ARHGAP24: variants seen among roughly 807,000 people sequenced by gnomAD.
The protein encoded by ARHGAP24 is rho GTPase-activating protein 24.
ARHGAP24 carries 50 observed loss-of-function variants against 76.4 expected under a neutral mutation model. The observed-to-expected ratio is 0.65, with a 90% CI of 0.52 to 0.83. ARHGAP24 has a LOEUF of 0.83. Among genes scored for constraint, ARHGAP24 ranks in the 40% least tolerant of loss-of-function variants. The pLI is 0.00. For synonymous variants in ARHGAP24, 345 were observed against 323.3 expected (o/e 1.07, Z -0.72); for missense variants, 930 against 914.2 (o/e 1.02, Z -0.22).
intron 1 of ARHGAP24, among the ~76,000 whole-genome samples, chr4:85,477,146 A>G (rs1722631790): frequency 6.6e-6 from 1 of 152,198 alleles, no homozygotes; most frequent in Middle Eastern, 3.2e-3. Context: ...TCTGGAATTT[A>G]GTTTGAGGTA....
intron 3 of ARHGAP24, among the ~76,000 whole-genome samples, chr4:85,808,509 C>T (rs1421695658): frequency 2.6e-5 from 4 of 152,206 alleles, no homozygotes; most frequent in Non-Finnish European, 4.4e-5. Context: ...TATCAGTTGC[C>T]GGTGTTCCTT....
intron 3 of ARHGAP24, among the ~76,000 whole-genome samples, chr4:85,915,134 T>G (rs1735307238): frequency 6.6e-6 from 1 of 152,206 alleles, no homozygotes; most frequent in Non-Finnish European, 1.5e-5. Context: ...AGTCAGAATA[T>G]ACTGTTGGAC....
intron 1 of ARHGAP24, among the ~76,000 whole-genome samples, chr4:85,487,690 A>AAATATATATTTATATTATATATTATAT (rs1723152036): frequency 9.4e-6 from 1 of 106,590 alleles, no homozygotes; most frequent in Non-Finnish European, 1.7e-5. Context: ...TATATTATAT[A>AAATATATATTTATATTATATATTATAT]AATATATATT....
At chr4:85,669,480 G>C (rs2110000347) in intron 2 of ARHGAP24, among the ~76,000 whole-genome samples, 1 of 151,722 alleles carries the variant, frequency 6.6e-6, no homozygotes, top group African/African-American at 2.4e-5. Flanking sequence ...TGTTTGATGG[G>C]AGGAAGCGCT....
At chr4:85,975,039 TA>T in intron 7 of ARHGAP24, 78 bp downstream of exon 7, 1 of 1,305,364 alleles carries the variant, frequency 7.7e-7, no homozygotes, top group Non-Finnish European at 1.1e-6. Context: ...TGACAACGAA[TA>T]AAATCACTCA....
intron 2 of ARHGAP24, among the ~76,000 whole-genome samples, chr4:85,625,426 T>G (rs570250600): frequency 6.6e-5 from 10 of 152,250 alleles, no homozygotes; most frequent in Admixed American, 1.3e-4. Flanking sequence ...ATTGCACTGT[T>G]GTCTGAGAGA....
At chr4:85,751,661 A>AAAC (rs1726270224) in intron 3 of ARHGAP24, among the ~76,000 whole-genome samples, 1 of 152,212 alleles carries the variant, frequency 6.6e-6, no homozygotes, top group Non-Finnish European at 1.5e-5. Context: ...TGTGGATTGT[A>AAAC]AACACTACAA....
intron 4 of ARHGAP24, among the ~76,000 whole-genome samples, chr4:85,937,411 T>C (rs1429347364): frequency 6.6e-6 from 1 of 152,212 alleles, no homozygotes; most frequent in Non-Finnish European, 1.5e-5. Context: ...GAGCTATCCA[T>C]ATTGAAGGTT....
At chr4:85,736,708 A>G (rs1261461486) in intron 3 of ARHGAP24, among the ~76,000 whole-genome samples, 2 of 152,184 alleles carry the variant, frequency 1.3e-5, no homozygotes, top group Non-Finnish European at 2.9e-5. Flanking sequence ...GGTAGAGGAG[A>G]AGAGATTTTT....
intron 2 of ARHGAP24, among the ~76,000 whole-genome samples, chr4:85,718,920 G>A (rs1407170277): frequency 6.6e-6 from 1 of 152,142 alleles, no homozygotes; most frequent in Non-Finnish European, 1.5e-5. Context: ...ATGCTAGTGC[G>A]TTGCTTGAAT....
At chr4:85,726,008 T>C (rs147142139) in intron 3 of ARHGAP24, among the ~76,000 whole-genome samples, 160 of 152,300 alleles carry the variant, frequency 1.1e-3, no homozygotes, top group African/African-American at 3.2e-3. Context: ...CTTGTTCTGA[T>C]AGTTGGGAGA....
intron 3 of ARHGAP24, among the ~76,000 whole-genome samples, chr4:85,815,533 A>G (rs778329419): frequency 3.3e-5 from 5 of 152,200 alleles, no homozygotes; most frequent in South Asian, 4.1e-4. Context: ...CTAAAGCATA[A>G]CAAGAGTCAC....
intron 1 of ARHGAP24, among the ~76,000 whole-genome samples, chr4:85,556,295 C>T (rs1726363149): frequency 6.6e-6 from 1 of 152,168 alleles, no homozygotes; most frequent in Non-Finnish European, 1.5e-5. Flanking sequence ...CCTCTGGGAT[C>T]ACCTCCCCAG....
intron 2 of ARHGAP24, among the ~76,000 whole-genome samples, chr4:85,719,903 G>T (rs1724863715): frequency 1.3e-5 from 2 of 152,080 alleles, no homozygotes; most frequent in African/African-American, 4.8e-5. Flanking sequence ...GTATAAAATT[G>T]CCAGGGAAAG....
intron 2 of ARHGAP24, among the ~76,000 whole-genome samples, chr4:85,721,009 G>A (rs1291476431): frequency 6.6e-6 from 1 of 152,110 alleles, no homozygotes; most frequent in African/African-American, 2.4e-5. Context: ...AAATAGAATA[G>A]CGGGAAGTCA....
chr4:85,923,520 T>C, intron 3 of ARHGAP24, 128 bp from the exon 4 acceptor site: 4 of 1,328,182 alleles, frequency 3.0e-6, no homozygotes, highest in Non-Finnish European at 4.2e-6. Context: ...TGGTAAATAT[T>C]TCATCATTGG....
chr4:85,641,764 G>A (rs923701510), intron 2 of ARHGAP24, among the ~76,000 whole-genome samples: 1 of 152,150 alleles, frequency 6.6e-6, no homozygotes, highest in Non-Finnish European at 1.5e-5. Context: ...ATAAAGACAT[G>A]CATAGGGTGA....
intron 3 of ARHGAP24, among the ~76,000 whole-genome samples, chr4:85,860,910 C>T (rs1731853185): frequency 6.6e-6 from 1 of 151,824 alleles, no homozygotes; most frequent in South Asian, 2.1e-4. Flanking sequence ...CTGGCTTTCT[C>T]AGATCATTTT....
At chr4:85,884,065 T>G (rs946843085) in intron 3 of ARHGAP24, among the ~76,000 whole-genome samples, 1 of 152,222 alleles carries the variant, frequency 6.6e-6, no homozygotes, top group African/African-American at 2.4e-5. Context: ...AGCTTTTAAA[T>G]TTTGTGCAGG....
Sources: allele counts gnomAD v4.1 joint callset (sites outside exome capture counted in the v4.1 genomes callset), GRCh38; gene constraint gnomAD v4.1.1; transcripts MANE v1.5; gene names NCBI Gene and HGNC (gene_info 2026-07-23, HGNC 2026-07-21).